ATXN10: variants seen among roughly 807,000 people sequenced by gnomAD.
ATXN10 encodes ataxin-10.
A neutral mutation model predicts 52.9 loss-of-function variants in ATXN10; 28 were observed. The ratio of observed to expected loss-of-function variants is 0.53; its 90% confidence interval spans 0.39 to 0.73. The LOEUF is 0.73. Among genes scored for constraint, ATXN10 ranks in the 30% least tolerant of loss-of-function variants. The pLI, the probability that ATXN10 is intolerant of heterozygous loss-of-function variation, is 0.00. For missense variants in ATXN10, 565 were observed against 577.0 expected (o/e 0.98, Z 0.21); for synonymous variants, 226 against 221.5 (o/e 1.02, Z -0.18).
At chr22:45,792,846 GA>G in intron 9 of ATXN10, 1 of 519,276 alleles carries the variant, frequency 1.9e-6, no homozygotes, top group South Asian at 1.5e-5. Context: ...TGGCTTTGGT[GA>G]AAAACCTTCG....
chr22:45,671,945 T>A lies in ATXN10; in HGVS notation c.-119T>A, dbSNP rs979469356. 4.1e-5 allele frequency: 48 copies of A among 1,173,010 alleles called. No individual in the cohort carries two copies. Among genetic ancestry groups the A allele is most frequent in the Non-Finnish European group, 5.1e-5 (43 of 837,858 alleles). The allele number at this position is 1,173,010 out of a possible 1,614,324, so 72.7% of individuals were successfully genotyped here. Reference sequence around the variant, plus strand: ...AGCGGCGGCGGCGGTTAGGGCTGTGTAGGGCGAGGCCTCCCCCTTCCTCCT... The same window carrying A: ...AGCGGCGGCGGCGGTTAGGGCTGTGAAGGGCGAGGCCTCCCCCTTCCTCCT... On this transcript the variant is annotated 5_prime_UTR_variant, in exon 1 of 12. Transcript: ENST00000252934.
rs1189283977 is a variant in ATXN10, at chr22:45,688,057, C to T, written c.117-1655C>T. Among the ~76,000 whole-genome samples the T allele has an allele frequency of 4.6e-5, 7 of 151,712 alleles. No individual in the cohort carries two copies. The highest frequency in any genetic ancestry group is 2.4e-5 in the African/African-American group (1 of 41,280). ...TGGGCGACAGAGCAAAACTCCGTCT[C>T]AAAAAAAAGAGTGTTAGTGAGTATT... On this transcript the variant is annotated intron_variant, in intron 1 of 11. Coordinates refer to ENST00000252934, the MANE Select transcript of ATXN10 (RefSeq NM_013236.4). The surrounding 1 kb of genome is among the most constrained non-coding windows in gnomAD (Gnocchi z 4.0).
intron 10 of ATXN10, among the ~76,000 whole-genome samples, chr22:45,812,246 T>G (rs1928305921): frequency 6.6e-6 from 1 of 152,246 alleles, no homozygotes. Context: ...GTTAAATATG[T>G]GTGCATTTAT....
intron 9 of ATXN10, among the ~76,000 whole-genome samples, chr22:45,778,428 A>G (rs575889391): frequency 6.6e-6 from 1 of 152,300 alleles, no homozygotes; most frequent in East Asian, 1.9e-4. Flanking sequence ...GGAGGATGAG[A>G]TGAATTAATA....
chr22:45,729,278 T>G, intron 6 of ATXN10, 147 bp from the exon 7 acceptor site: 2 of 778,812 alleles, frequency 2.6e-6, no homozygotes, highest in Non-Finnish European at 4.1e-6. Context: ...AAGATTAACT[T>G]TATTCATGTT....
chr22:45,779,345 T>A (rs577627308), intron 9 of ATXN10, among the ~76,000 whole-genome samples: 1 of 152,346 alleles, frequency 6.6e-6, no homozygotes, highest in South Asian at 2.1e-4. Flanking sequence ...GACCACATAG[T>A]CACTGAAGGC....
intron 5 of ATXN10, among the ~76,000 whole-genome samples, chr22:45,710,392 C>T (rs1361894330): frequency 6.6e-6 from 1 of 152,192 alleles, no homozygotes; most frequent in African/African-American, 2.4e-5. Flanking sequence ...TCTATCATTT[C>T]GACTGAGAGA....
chr22:45,800,022 C>T (rs968222398), intron 9 of ATXN10, among the ~76,000 whole-genome samples: 1 of 152,000 alleles, frequency 6.6e-6, no homozygotes, highest in Non-Finnish European at 1.5e-5. Flanking sequence ...CACATAAAAG[C>T]TGGGAATACA....
chr22:45,747,824 T>C (rs1485990290), intron 9 of ATXN10, among the ~76,000 whole-genome samples: 3 of 152,154 alleles, frequency 2.0e-5, no homozygotes, highest in African/African-American at 7.2e-5. Context: ...CTCATGTCTG[T>C]AATCCTAGTA....
In ATXN10 at chr22:45,843,577, G is replaced by A; in HGVS notation, c.1426-92G>A. ...TTTCTCTAAGTTATTTGTCACCACT[G>A]ACCAAAGTTCTGGGTTTTTTCCCCT... On this transcript the variant is annotated intron_variant, in intron 11 of 11. Coordinates refer to ENST00000252934, the MANE Select transcript of ATXN10 (RefSeq NM_013236.4). This position sits in a 1 kb window ranked among gnomAD's most constrained non-coding sequence, Gnocchi z 4.5. 1.6e-6 allele frequency: 2 copies of A among 1,234,286 alleles called. No homozygotes were observed. Among genetic ancestry groups the A allele is most frequent in the Non-Finnish European group, 2.4e-6 (2 of 844,530 alleles). The allele number at this position is 1,234,286 out of a possible 1,614,324, so 76.5% of individuals were successfully genotyped here.
intron 7 of ATXN10, 108 bp downstream of exon 7, chr22:45,729,698 T>G (rs1234696553): frequency 8.6e-7 from 1 of 1,166,180 alleles, no homozygotes; most frequent in South Asian, 1.3e-5. Context: ...AAAAATATTA[T>G]GTAAGTAATG....
rs1191545218 is a variant in ATXN10, at chr22:45,770,646, A to G, written c.1173+30108A>G. On this transcript the variant is annotated intron_variant, in intron 9 of 11. Transcript: ENST00000252934. This position sits in a 1 kb window ranked among gnomAD's most constrained non-coding sequence, Gnocchi z 4.5. ...AGCCACGTCCACATATGCGAGAGCCACTGATGGTTCTCGGCCTGTCTGAGG... is the reference window on the plus strand; with the variant it reads ...AGCCACGTCCACATATGCGAGAGCCGCTGATGGTTCTCGGCCTGTCTGAGG... Among the ~76,000 whole-genome samples, 1 of 152,220 alleles carries G rather than the reference A, an allele frequency of 6.6e-6. No homozygotes were observed.
chr22:45,843,892 C>A lies in ATXN10; in HGVS notation c.*221C>A. Reference sequence around the variant, plus strand: ...ATGTAACTGTGTGGTTTGCCTTTGTCCCCCTGGATAGAACGTGCATTTAAA... The same window carrying A: ...ATGTAACTGTGTGGTTTGCCTTTGTACCCCTGGATAGAACGTGCATTTAAA... On this transcript the variant is annotated 3_prime_UTR_variant, in exon 12 of 12. Coordinates refer to ENST00000252934, the MANE Select transcript of ATXN10 (RefSeq NM_013236.4). This position sits in a 1 kb window ranked among gnomAD's most constrained non-coding sequence, Gnocchi z 4.5. 1.7e-6 allele frequency: 1 copy of A among 595,938 alleles called. No individual in the cohort carries two copies. The allele number at this position is 595,938 out of a possible 1,614,324, so 36.9% of individuals were successfully genotyped here.
chr22:45,731,891 C>T (rs779191622), intron 7 of ATXN10, among the ~76,000 whole-genome samples: 4 of 152,094 alleles, frequency 2.6e-5, no homozygotes, highest in Admixed American at 2.0e-4. Context: ...CAGGGGCTTG[C>T]GTTTACTTTC....
At chr22:45,706,766 A>G (rs1344398338) in intron 5 of ATXN10, among the ~76,000 whole-genome samples, 2 of 150,832 alleles carry the variant, frequency 1.3e-5, no homozygotes, top group Middle Eastern at 6.4e-3. Flanking sequence ...GACATTACCT[A>G]GGCTTCTTTT....
At position 45,774,648 on chromosome 22, in the gene ATXN10, G is replaced by T. The variant is rs554889379; in HGVS notation, c.1174-32311G>T. ...AATGTTTTTTACAAAATAAAGGCAG[G>T]GGGGCTGGACGCGGTGGCTCACGCT... On this transcript the variant is annotated intron_variant, in intron 9 of 11. Transcript: ENST00000252934. This position sits in a 1 kb window ranked among gnomAD's most constrained non-coding sequence, Gnocchi z 6.2. Among the ~76,000 whole-genome samples, 36 of 152,236 alleles carry T rather than the reference G, an allele frequency of 2.4e-4. No individual in the cohort carries two copies. The highest frequency in any genetic ancestry group is 6.5e-4 in the African/African-American group (27 of 41,548).
Position 45,702,822 on chromosome 22 carries a change from C to T in ATXN10, c.622C>T (p.Gln208Ter). ...NIAIDVIDAY[Q>*]KHPESEWPFL... ...TGCAATTGATGTCATAGATGCTTAC[C>T]AAAAACATCCTGAATCAGAATGGCC... Residue 208 changes from glutamine (Q) to a stop codon, truncating the protein, a stop_gained, in exon 5 of 12, where the codon CAA becomes TAA. Coordinates refer to ENST00000252934, the MANE Select transcript of ATXN10 (RefSeq NM_013236.4). LOFTEE classifies it high-confidence loss of function. The T allele has an allele frequency of 6.2e-7, 1 of 1,613,792 alleles. No individual in the cohort carries two copies.
chr22:45,813,671 A>G (rs945656183), intron 10 of ATXN10, among the ~76,000 whole-genome samples: 2 of 152,068 alleles, frequency 1.3e-5, no homozygotes, highest in Non-Finnish European at 1.5e-5. Context: ...ATTGCACTCT[A>G]TCTCTCTAAG....
Position 45,738,970 on chromosome 22 carries a change from G to A in ATXN10, c.1003+131G>A, listed in dbSNP as rs932916967. The A allele has an allele frequency of 1.5e-5, 13 of 853,710 alleles. No individual in the cohort carries two copies. In the African/African-American group the frequency reaches 2.0e-4, roughly 13 times the overall value. The allele number at this position is 853,710 out of a possible 1,614,324, so 52.9% of individuals were successfully genotyped here. ...ATTTTGTGAATATATTTTTTTGAGAGGAATCACAGTGTTGTAACAGTTCAG... is the reference window on the plus strand; with the variant it reads ...ATTTTGTGAATATATTTTTTTGAGAAGAATCACAGTGTTGTAACAGTTCAG... On this transcript the variant is annotated intron_variant, in intron 8 of 11. Coordinates refer to ENST00000252934, the MANE Select transcript of ATXN10 (RefSeq NM_013236.4).
Sources: gnomAD v4.1 joint callset for allele counts (sites outside exome capture counted in the v4.1 genomes callset) on GRCh38, gnomAD v4.1.1 for gene constraint, Gnocchi (gnomAD v3.1) non-coding constraint, MANE v1.5 for transcripts, NCBI Gene and HGNC (gene_info 2026-07-23, HGNC 2026-07-21) for gene names.